Variants in C12orf42 observed in about 807,000 individuals in gnomAD.
The protein encoded by C12orf42 is uncharacterized protein C12orf42.
Under a neutral mutation model 21.6 loss-of-function variants are expected in C12orf42, and 25 were observed. The observed-to-expected ratio is 1.16, with a 90% CI of 0.84 to 1.62. The LOEUF is 1.62. C12orf42 is among the 40% of genes most tolerant of loss of function. The probability of loss-of-function intolerance (pLI) is 0.00; values close to 1 mark genes in which losing one functional copy is unlikely to be tolerated. For synonymous variants in C12orf42, 174 were observed against 175.0 expected (o/e 0.99, Z 0.05); for missense variants, 483 against 459.3 (o/e 1.05, Z -0.47).
the C12orf42 span, chr12:103,155,952 T>C: frequency 6.6e-6 from 1 of 151,614 alleles, no homozygotes; most frequent in South Asian, 2.1e-4. Context: ...TTTAATTTTG[T>C]ATTACTGTAA....
At chr12:103,449,645 C>A (rs1027967908) in intron 2 of C12orf42, among the ~76,000 whole-genome samples, 1 of 151,588 alleles carries the variant, frequency 6.6e-6, no homozygotes, top group Non-Finnish European at 1.5e-5. Flanking sequence ...TGGGCTATTT[C>A]TCTATAATCG....
chr12:103,285,113 T>C (rs2036364354), intron 4 of C12orf42, among the ~76,000 whole-genome samples: 1 of 152,172 alleles, frequency 6.6e-6, no homozygotes, highest in African/African-American at 2.4e-5. Context: ...CATCAGTACA[T>C]ATGGAAAAGC....
the C12orf42 span, among the ~76,000 whole-genome samples, chr12:103,088,159 A>G: frequency 1.3e-5 from 2 of 152,248 alleles, no homozygotes; most frequent in African/African-American, 4.8e-5. Flanking sequence ...CAATCCTAGA[A>G]TGTTAGGAGA....
chr12:103,115,228 A>T, the C12orf42 span, among the ~76,000 whole-genome samples: 1 of 152,224 alleles, frequency 6.6e-6, no homozygotes, highest in African/African-American at 2.4e-5. Context: ...GTGGAACTGC[A>T]GTTGAAACCC....
At chr12:103,113,503 T>C in the C12orf42 span, among the ~76,000 whole-genome samples, 1 of 148,810 alleles carries the variant, frequency 6.7e-6, no homozygotes, top group Non-Finnish European at 1.5e-5. Context: ...TAATTTGAGT[T>C]CTTTTCTCCT....
chr12:103,506,314 CA>C, the C12orf42 span: 2 of 134,754 alleles, frequency 1.5e-5, no homozygotes, highest in African/African-American at 2.8e-5. Context: ...ACCACCCCCC[CA>C]CACACACAAA....
the C12orf42 span, among the ~76,000 whole-genome samples, chr12:103,102,852 T>G: frequency 6.6e-6 from 1 of 152,134 alleles, no homozygotes. Flanking sequence ...CAGGGTCTTT[T>G]ACCAAGCTCA....
At chr12:103,145,868 G>T in the C12orf42 span, among the ~76,000 whole-genome samples, 1 of 151,982 alleles carries the variant, frequency 6.6e-6, no homozygotes, top group Non-Finnish European at 1.5e-5. Flanking sequence ...AAAAAACAGA[G>T]TCCAAACAAT....
At chr12:103,294,470 GAAA>G (rs1360047230) in intron 4 of C12orf42, among the ~76,000 whole-genome samples, 1,569 of 101,828 alleles carry the variant, frequency 0.015, 45 homozygotes, top group East Asian at 0.095. Context: ...AAGAAAGAAA[GAAA>G]TAAGCAAGCA....
intron 1 of C12orf42, among the ~76,000 whole-genome samples, chr12:103,488,575 C>A (rs921191146): frequency 6.6e-6 from 1 of 152,224 alleles, no homozygotes; most frequent in South Asian, 2.1e-4. Flanking sequence ...CTCCCCATTA[C>A]TTTCACGTAC....
chr12:103,523,676 C>T, the C12orf42 span, among the ~76,000 whole-genome samples: 3 of 151,030 alleles, frequency 2.0e-5, no homozygotes, highest in Non-Finnish European at 4.4e-5. Flanking sequence ...TAGAAGCTAT[C>T]ATTAAGCAAT....
the C12orf42 span, among the ~76,000 whole-genome samples, chr12:103,190,528 G>A: frequency 2.6e-5 from 4 of 152,124 alleles, no homozygotes; most frequent in African/African-American, 9.7e-5. Flanking sequence ...ATCAATCCAA[G>A]CCTACAAAGA....
intron 5 of C12orf42, among the ~76,000 whole-genome samples, chr12:103,272,177 A>G (rs1044801047): frequency 6.6e-6 from 1 of 152,170 alleles, no homozygotes; most frequent in African/African-American, 2.4e-5. Flanking sequence ...GGTGAAATAA[A>G]CACAGGTAGG....
intron 3 of C12orf42, among the ~76,000 whole-genome samples, chr12:103,399,112 C>A (rs1179130830): frequency 2.0e-5 from 3 of 151,400 alleles, no homozygotes; most frequent in Admixed American, 2.0e-4. Flanking sequence ...TAAATTTATT[C>A]CAAAGTAATT....
chr12:103,549,266 T>G, the C12orf42 span, among the ~76,000 whole-genome samples: 3 of 150,894 alleles, frequency 2.0e-5, no homozygotes, highest in Non-Finnish European at 4.4e-5. Context: ...TTTTCTCAAC[T>G]TTTTATTTTT....
chr12:103,453,298 T>C (rs1952074518), intron 2 of C12orf42, among the ~76,000 whole-genome samples: 1 of 151,760 alleles, frequency 6.6e-6, no homozygotes, highest in East Asian at 1.9e-4. Flanking sequence ...TTTAACGTTA[T>C]ATTATTCTAG....
the C12orf42 span, among the ~76,000 whole-genome samples, chr12:103,143,113 A>G: frequency 6.6e-6 from 1 of 152,224 alleles, no homozygotes; most frequent in Non-Finnish European, 1.5e-5. Context: ...CTCAGGGAAT[A>G]ACTAGAAAGG....
At chr12:103,252,459 T>C (rs1333654689) in intron 10 of C12orf42, among the ~76,000 whole-genome samples, 1 of 152,190 alleles carries the variant, frequency 6.6e-6, no homozygotes, top group Non-Finnish European at 1.5e-5. Context: ...TCATCTGTTG[T>C]CTCCTGACTT....
the C12orf42 span, among the ~76,000 whole-genome samples, chr12:103,083,081 A>G: frequency 3.1e-4 from 47 of 152,266 alleles, no homozygotes; most frequent in Non-Finnish European, 4.1e-4. Context: ...TAAAAAATAT[A>G]TGACTGGGCA....
Sources: allele counts gnomAD v4.1 joint callset (sites outside exome capture counted in the v4.1 genomes callset), GRCh38; gene constraint gnomAD v4.1.1; transcripts MANE v1.5; gene names NCBI Gene and HGNC (gene_info 2026-07-23, HGNC 2026-07-21).